SOX5: variants seen among roughly 807,000 people sequenced by gnomAD.
SOX5 encodes the protein transcription factor SOX-5.
Under a neutral mutation model 92.0 loss-of-function variants are expected in SOX5, and 9 were observed. The observed-to-expected ratio is 0.10, with a 90% CI of 0.06 to 0.17. SOX5 has a LOEUF of 0.17. Ranked by LOEUF, SOX5 falls within the 10% of genes least tolerant of loss-of-function variation. The pLI, the probability that SOX5 is intolerant of heterozygous loss-of-function variation, is 1.00. For synonymous variants in SOX5, 344 were observed against 336.3 expected (o/e 1.02, Z -0.25); for missense variants, 642 against 944.5 (o/e 0.68, Z 4.20).
intron 3 of SOX5, among the ~76,000 whole-genome samples, chr12:23,839,865 C>T (rs2096490365): frequency 1.3e-5 from 2 of 150,538 alleles, no homozygotes; most frequent in Admixed American, 6.6e-5. Context: ...CCGCAGCTAA[C>T]ATCATACTTA....
chr12:24,446,444 TATTTGTAAGGAA>T (rs1941484040), intron 1 of SOX5, among the ~76,000 whole-genome samples: 1 of 152,090 alleles, frequency 6.6e-6, no homozygotes, highest in Non-Finnish European at 1.5e-5. Context: ...ACAAGTTTAG[TATTTGTAAGGAA>T]CAGAAAAAAT....
chr12:23,552,370 C>G (rs143413316), intron 11 of SOX5, among the ~76,000 whole-genome samples: 1 of 151,334 alleles, frequency 6.6e-6, no homozygotes, highest in Non-Finnish European at 1.5e-5. Context: ...GAATGCAGAC[C>G]GGGGAAACTC....
At chr12:23,673,422 C>T (rs2085126240) in intron 6 of SOX5, among the ~76,000 whole-genome samples, 1 of 152,014 alleles carries the variant, frequency 6.6e-6, no homozygotes, top group Admixed American at 6.6e-5. Context: ...TTAATGTGAA[C>T]AGAATCAAGA....
intron 2 of SOX5, among the ~76,000 whole-genome samples, chr12:24,287,189 GAT>G (rs1386454613): frequency 5.3e-5 from 8 of 152,132 alleles, no homozygotes; most frequent in African/African-American, 1.7e-4. Context: ...CATAGCATCA[GAT>G]AGAGAAAAGA....
chr12:23,989,687 G>A (rs1194463804), intron 4 of SOX5, among the ~76,000 whole-genome samples: 1 of 152,080 alleles, frequency 6.6e-6, no homozygotes, highest in Non-Finnish European at 1.5e-5. Flanking sequence ...TAACTAAAGA[G>A]CTTGCTTCTT....
intron 3 of SOX5, among the ~76,000 whole-genome samples, chr12:24,269,358 C>T (rs954766495): frequency 1.3e-5 from 2 of 152,108 alleles, no homozygotes; most frequent in Non-Finnish European, 2.9e-5. Context: ...AATGTTAACA[C>T]AGAAAGAGAT....
intron 4 of SOX5, among the ~76,000 whole-genome samples, chr12:24,161,747 G>A (rs1479463852): frequency 6.6e-6 from 1 of 151,938 alleles, no homozygotes; most frequent in African/African-American, 2.4e-5. Flanking sequence ...GATTAACAAA[G>A]TTAATACACA....
intron 1 of SOX5, among the ~76,000 whole-genome samples, chr12:24,421,936 G>A (rs939323512): frequency 1.4e-4 from 22 of 152,138 alleles, no homozygotes; most frequent in African/African-American, 5.3e-4. Context: ...CATCAAACCT[G>A]GACAAAGGGC....
chr12:23,771,651 A>G (rs528691752), intron 3 of SOX5, among the ~76,000 whole-genome samples: 2 of 152,278 alleles, frequency 1.3e-5, no homozygotes, highest in East Asian at 1.9e-4. Context: ...ATGTCACTTT[A>G]TTACATACAT....
At chr12:24,332,054 A>G (rs1951395074) in intron 2 of SOX5, among the ~76,000 whole-genome samples, 1 of 152,102 alleles carries the variant, frequency 6.6e-6, no homozygotes, top group Non-Finnish European at 1.5e-5. Flanking sequence ...ATCTCAAAAA[A>G]CAAGAAAGCA....
chr12:24,062,624 C>T (rs1047473852), intron 4 of SOX5, among the ~76,000 whole-genome samples: 1 of 152,168 alleles, frequency 6.6e-6, no homozygotes, highest in South Asian at 2.1e-4. Flanking sequence ...TTTGTAAAGA[C>T]GTGGTCCTGA....
intron 1 of SOX5, among the ~76,000 whole-genome samples, chr12:24,518,863 A>G (rs1395606050): frequency 6.6e-6 from 1 of 152,184 alleles, no homozygotes; most frequent in Non-Finnish European, 1.5e-5. Flanking sequence ...TACTTCCTTA[A>G]TATGATATTT....
chr12:24,066,863 C>G (rs1190417855), intron 4 of SOX5, among the ~76,000 whole-genome samples: 1 of 152,184 alleles, frequency 6.6e-6, no homozygotes, highest in East Asian at 1.9e-4. Context: ...CACAGGTGGT[C>G]AGAGATTTTA....
chr12:24,404,625 C>T (rs760966892), intron 1 of SOX5, among the ~76,000 whole-genome samples: 15 of 152,100 alleles, frequency 9.9e-5, no homozygotes, highest in Non-Finnish European at 1.6e-4. Context: ...CATAATCCTG[C>T]GTGTAAGAGC....
upstream of SOX5, among the ~76,000 whole-genome samples, chr12:23,955,360 GAT>G (rs953568244): frequency 6.6e-6 from 1 of 152,066 alleles, no homozygotes; most frequent in African/African-American, 2.4e-5. Flanking sequence ...CATTTGTAGT[GAT>G]AACAATCACC....
At chr12:24,461,883 C>A (rs1387073796) in intron 1 of SOX5, among the ~76,000 whole-genome samples, 2 of 152,066 alleles carry the variant, frequency 1.3e-5, no homozygotes, top group Admixed American at 6.5e-5. Context: ...ATGGCGTATT[C>A]CCTGGTCTTA....
intron 1 of SOX5, among the ~76,000 whole-genome samples, chr12:24,515,469 G>A (rs1949698128): frequency 2.0e-5 from 3 of 152,138 alleles, no homozygotes; most frequent in African/African-American, 7.2e-5. Flanking sequence ...AGATGTAACA[G>A]AAGATGGCTG....
intron 7 of SOX5, among the ~76,000 whole-genome samples, chr12:23,655,552 T>C (rs2082198326): frequency 6.6e-6 from 1 of 152,160 alleles, no homozygotes; most frequent in Non-Finnish European, 1.5e-5. Context: ...TTTCCCACTT[T>C]TAATATTAAG....
chr12:23,578,714 G>C (rs1414676196), intron 9 of SOX5, among the ~76,000 whole-genome samples: 1 of 152,104 alleles, frequency 6.6e-6, no homozygotes. Context: ...TAAATGTCCT[G>C]ACTGTCAGGG....
Sources: gnomAD v4.1 joint callset for allele counts (sites outside exome capture counted in the v4.1 genomes callset) on GRCh38, gnomAD v4.1.1 for gene constraint, MANE v1.5 for transcripts, NCBI Gene and HGNC (gene_info 2026-07-23, HGNC 2026-07-21) for gene names.